OPHN1: variants seen among roughly 807,000 people sequenced by gnomAD.
OPHN1 encodes the protein oligophrenin-1.
In OPHN1, 11 loss-of-function variants were observed where a neutral mutation model predicts 60.7. The observed-to-expected ratio is 0.18, with a 90% confidence interval of 0.11 to 0.30. OPHN1 has a LOEUF of 0.30. Ranked by LOEUF, OPHN1 falls within the 10% of genes least tolerant of loss-of-function variation. OPHN1 has a pLI of 1.00. For synonymous variants in OPHN1, 226 were observed against 222.6 expected (o/e 1.02, Z -0.14); for missense variants, 449 against 611.0 (o/e 0.73, Z 2.80).
chrX:68,084,067 C>T (rs901573413), intron 19 of OPHN1, among the ~76,000 whole-genome samples: 1 of 110,672 alleles, frequency 9.0e-6, no homozygotes, highest in Non-Finnish European at 1.9e-5. Context: ...TGAGCCCATG[C>T]TGTTGGACAA....
intron 21 of OPHN1, among the ~76,000 whole-genome samples, chrX:68,059,167 C>T (rs1319456293): frequency 1.8e-5 from 2 of 111,540 alleles, no homozygotes; most frequent in Admixed American, 9.5e-5. Flanking sequence ...AACTTTGGTC[C>T]GAAACCTGGC....
chrX:68,344,026 T>A (rs984482612), intron 2 of OPHN1, among the ~76,000 whole-genome samples: 1 of 111,774 alleles, frequency 8.9e-6, no homozygotes, highest in Non-Finnish European at 1.9e-5. Flanking sequence ...CACATTTAAG[T>A]GTCAAAAGCA....
intron 15 of OPHN1, among the ~76,000 whole-genome samples, chrX:68,128,407 A>G (rs1178720177): frequency 9.0e-6 from 1 of 111,441 alleles, no homozygotes; most frequent in Non-Finnish European, 1.9e-5. Flanking sequence ...ATTCCTGGTC[A>G]GTGAATGAAG....
intron 18 of OPHN1, among the ~76,000 whole-genome samples, chrX:68,098,078 C>T (rs1316679860): frequency 1.8e-5 from 2 of 110,473 alleles, no homozygotes; most frequent in Non-Finnish European, 3.8e-5. Flanking sequence ...TACCTCTCTG[C>T]TCATGTCGTT....
chrX:68,128,054 T>A (rs2077178771), intron 15 of OPHN1, among the ~76,000 whole-genome samples: 2 of 102,330 alleles, frequency 2.0e-5, no homozygotes, highest in East Asian at 3.0e-4. Context: ...TTACTGATAC[T>A]TTTTTTTTTT....
intron 2 of OPHN1, among the ~76,000 whole-genome samples, chrX:68,409,312 G>T (rs1447245141): frequency 2.7e-5 from 3 of 111,387 alleles, no homozygotes; most frequent in Non-Finnish European, 1.9e-5. Context: ...GGGCCACACT[G>T]ACTCTCATGA....
rs1337222483 is a variant in OPHN1, at chrX:68,142,037, G to A, written c.1277-22705C>T. Among the ~76,000 whole-genome samples the A allele has an allele frequency of 4.5e-5, 5 of 111,874 alleles. No homozygotes were observed. The East Asian group carries it at 1.4e-3, about 31-fold the overall frequency. On this transcript the variant is annotated intron_variant, in intron 15 of 24. Transcript: ENST00000355520. ...CCTGTGTCTGGACAGTACTGAAAAT[G>A]ATGTTCACAACCGGGGCCCCTGGCA... is the stretch of plus-strand genomic sequence containing the variant.
intron 6 of OPHN1, among the ~76,000 whole-genome samples, chrX:68,228,336 G>A (rs1371481782): frequency 9.0e-6 from 1 of 111,429 alleles, no homozygotes; most frequent in African/African-American, 3.3e-5. Flanking sequence ...GGTACAAGGA[G>A]GAGCTGGTAC....
intron 2 of OPHN1, among the ~76,000 whole-genome samples, chrX:68,317,539 A>AAAAGAAAGAAAGAAAGAAAGAAAG (rs762679584): frequency 2.0e-4 from 12 of 58,920 alleles, no homozygotes; most frequent in African/African-American, 1.6e-3. Context: ...AAGAAAGAAA[A>AAAAGAAAGAAAGAAAGAAAGAAAG]AAAGAAAGAA....
chrX:68,409,172 G>C (rs940488238), intron 2 of OPHN1, among the ~76,000 whole-genome samples: 1 of 111,847 alleles, frequency 8.9e-6, no homozygotes, highest in African/African-American at 3.2e-5. Flanking sequence ...CAGGGTAGGT[G>C]TTCTTGATCC....
At chrX:68,233,207 C>T in intron 6 of OPHN1, among the ~76,000 whole-genome samples, 1 of 111,674 alleles carries the variant, frequency 9.0e-6, no homozygotes, top group Non-Finnish European at 1.9e-5. Flanking sequence ...GGATTACAGG[C>T]ATGAGCCACT....
chrX:68,171,713 G>A (rs1359006130), intron 15 of OPHN1, among the ~76,000 whole-genome samples: 2 of 108,225 alleles, frequency 1.8e-5, no homozygotes, highest in Non-Finnish European at 3.8e-5. Flanking sequence ...TCCAGCCTGG[G>A]CAGCAAGAGC....
intron 5 of OPHN1, among the ~76,000 whole-genome samples, chrX:68,274,322 T>C (rs1288136688): frequency 1.8e-5 from 2 of 112,309 alleles, no homozygotes; most frequent in Non-Finnish European, 3.8e-5. Context: ...GTAAAGCACC[T>C]AGCCTAGTGC....
At chrX:68,268,564 T>A (rs1365873325) in intron 5 of OPHN1, among the ~76,000 whole-genome samples, 2 of 111,638 alleles carry the variant, frequency 1.8e-5, no homozygotes, top group African/African-American at 6.5e-5. Context: ...AGACTCTCAA[T>A]AAATTAGGCA....
rs10549357 is a variant in OPHN1 at position 68,090,242 on chromosome X, C to CTGTGTGTGTGTGTG, written c.1686+6614_1686+6627dup. On this transcript the variant is annotated intron_variant, in intron 19 of 24. Coordinates refer to ENST00000355520, the MANE Select transcript of OPHN1 (RefSeq NM_002547.3). ...CCCACCCCCCACCAAGTGTGTGTGT[C>CTGTGTGTGTGTGTG]TGTGTGTGTGTGTGTGTGTGTGTGT... Among the ~76,000 whole-genome samples, 926 of 98,144 alleles carry CTGTGTGTGTGTGTG rather than the reference C, an allele frequency of 9.4e-3. 6 individuals carry two copies. The highest frequency in any genetic ancestry group is 0.015 in the Non-Finnish European group (734 of 48,210). 85.2% of individuals were successfully genotyped at this position (98,144 alleles called of 115,157 possible).
At chrX:68,380,922 G>A (rs1381802201) in intron 2 of OPHN1, among the ~76,000 whole-genome samples, 1 of 111,576 alleles carries the variant, frequency 9.0e-6, no homozygotes, top group Non-Finnish European at 1.9e-5. Context: ...CTATACAGAA[G>A]AGGAAACAAA....
At chrX:68,059,374 A>G (rs1441884933) in intron 21 of OPHN1, among the ~76,000 whole-genome samples, 1 of 111,391 alleles carries the variant, frequency 9.0e-6, no homozygotes, top group Non-Finnish European at 1.9e-5. Context: ...ACAGAGTAGG[A>G]GGAGGTTGAT....
At chrX:68,286,181 T>C (rs2078040503) in intron 3 of OPHN1, among the ~76,000 whole-genome samples, 1 of 111,596 alleles carries the variant, frequency 9.0e-6, no homozygotes, top group Non-Finnish European at 1.9e-5. Flanking sequence ...CAGAGCTTGT[T>C]GTTCTTGTGG....
chrX:68,097,057 CA>C, intron 18 of OPHN1, 28 bp from the exon 19 acceptor site: 1 of 1,192,487 alleles, frequency 8.4e-7, no homozygotes, highest in Non-Finnish European at 1.1e-6. Context: ...GCAAGATTAA[CA>C]AAATTTGCTC....
Sources: allele counts gnomAD v4.1 joint callset (sites outside exome capture counted in the v4.1 genomes callset), GRCh38; gene constraint gnomAD v4.1.1; transcripts MANE v1.5; gene names NCBI Gene and HGNC (gene_info 2026-07-23, HGNC 2026-07-21).